Variants in BAIAP2L2 observed in about 807,000 individuals in gnomAD.
BAIAP2L2 encodes BAR/IMD domain-containing adapter protein 2-like 2.
In BAIAP2L2, 65 loss-of-function variants were observed where a neutral mutation model predicts 60.4. The observed-to-expected ratio is 1.08, with a 90% CI of 0.88 to 1.32. BAIAP2L2 has a LOEUF of 1.32. Among genes scored for constraint, BAIAP2L2 ranks in the 40% most tolerant of loss-of-function variants. The pLI is 0.00. For missense variants in BAIAP2L2, 836 were observed against 741.2 expected (o/e 1.13, Z -1.48); for synonymous variants, 344 against 301.7 (o/e 1.14, Z -1.45).
chr22:38,104,360 T>C lies in BAIAP2L2; in HGVS notation c.276+3492A>G, dbSNP rs117511221. Among the ~76,000 whole-genome samples, 59 of 152,242 alleles carry C rather than the reference T, an allele frequency of 3.9e-4. 1 individual carries two copies. In the East Asian group the frequency reaches 0.011, roughly 29 times the overall value. On this transcript the variant is annotated intron_variant, in intron 4 of 13. Coordinates refer to ENST00000381669, the MANE Select transcript of BAIAP2L2 (RefSeq NM_025045.6). ...AGAGGACAGAGAAACCAGCTGAACA[T>C]ACTAGGAGAGCATCCTCAGCAACTT...
chr22:38,092,638 G>A (rs1044516063), intron 7 of BAIAP2L2, among the ~76,000 whole-genome samples: 1 of 152,102 alleles, frequency 6.6e-6, no homozygotes, highest in African/African-American at 2.4e-5. Flanking sequence ...GCTATCTTAG[G>A]AGTTAGATCT....
chr22:38,088,290 T>G (rs914571835), intron 10 of BAIAP2L2, among the ~76,000 whole-genome samples: 1 of 152,164 alleles, frequency 6.6e-6, no homozygotes, highest in African/African-American at 2.4e-5. Flanking sequence ...CCACGTCAAG[T>G]GTCAAAACAG....
chr22:38,098,074 G>C lies in BAIAP2L2; in HGVS notation c.454C>G (p.Arg152Gly), dbSNP rs772588519. The change falls in exon 6 of 14, where the codon CGG becomes GGG. Residue 152 changes from arginine to glycine, a missense_variant. Coordinates refer to ENST00000381669, the MANE Select transcript of BAIAP2L2 (RefSeq NM_025045.6). Reference sequence around the variant, plus strand: ...CCCGGCCCTCGCACCTTCATCTCCCGCACGTTCTTGTCTCTCTTGCGCTCC... The same window carrying C: ...CCCGGCCCTCGCACCTTCATCTCCCCCACGTTCTTGTCTCTCTTGCGCTCC... The part of the protein sequence containing the change: ...RMERKRDKNV[R>G]EMKESVNRLH... 2.2e-6 allele frequency: 3 copies of C among 1,353,648 alleles called. No individual in the cohort carries two copies. The highest frequency in any genetic ancestry group is 2.3e-5 in the South Asian group (2 of 87,428). The allele number at this position is 1,353,648 out of a possible 1,614,324, so 83.9% of individuals were successfully genotyped here.
chr22:38,108,609 A>G (rs987963733), intron 2 of BAIAP2L2, among the ~76,000 whole-genome samples: 1 of 152,066 alleles, frequency 6.6e-6, no homozygotes. Context: ...ACTGGTGGGT[A>G]GTGGGGTGCT....
At chr22:38,090,118 T>TTTTATTTTA (rs1555964437) in intron 7 of BAIAP2L2, 1 of 123,086 alleles carries the variant, frequency 8.1e-6, no homozygotes, top group African/African-American at 2.9e-5. Flanking sequence ...TTTTTTTTTT[T>TTTTATTTTA]TTTTTTTTTT....
chr22:38,108,127 C>T (rs2145636551), intron 3 of BAIAP2L2, 128 bp downstream of exon 3: 3 of 1,038,284 alleles, frequency 2.9e-6, no homozygotes, highest in Non-Finnish European at 4.2e-6. Context: ...AGCCTGGGCC[C>T]CAGAACAAGA....
intron 4 of BAIAP2L2, among the ~76,000 whole-genome samples, chr22:38,104,644 C>T (rs1473829769): frequency 1.3e-5 from 2 of 151,926 alleles, no homozygotes; most frequent in African/African-American, 2.4e-5. Flanking sequence ...TACAGGCGCC[C>T]ACCACCATGC....
chr22:38,086,087 A>T (rs775575746), intron 12 of BAIAP2L2, among the ~76,000 whole-genome samples, 155 bp downstream of exon 12: 3 of 152,090 alleles, frequency 2.0e-5, no homozygotes, highest in Non-Finnish European at 4.4e-5. Flanking sequence ...GCCCAGACTC[A>T]GCCCCACACC....
intron 13 of BAIAP2L2, 74 bp downstream of exon 13, chr22:38,085,612 T>C (rs2086037551): frequency 1.3e-6 from 2 of 1,512,088 alleles, no homozygotes; most frequent in East Asian, 4.5e-5. Context: ...GTCTCCCTAG[T>C]AGCTGGGACT....
At chr22:38,096,662 T>A (rs1024457324) in intron 7 of BAIAP2L2, among the ~76,000 whole-genome samples, 6 of 151,686 alleles carry the variant, frequency 4.0e-5, no homozygotes, top group Non-Finnish European at 8.8e-5. Context: ...TCTCAAAAAA[T>A]AAATAAATAA....
upstream of BAIAP2L2, chr22:38,110,764 CG>C (rs2086829647): frequency 5.7e-6 from 3 of 529,980 alleles, no homozygotes; most frequent in Non-Finnish European, 3.3e-6. Flanking sequence ...CATCCTGTGC[CG>C]GGCAGGCTCG....
chr22:38,087,156 T>TGTCATGGGG lies in BAIAP2L2; in HGVS notation c.1218_1226dup (p.Thr409_Met411dup), dbSNP rs1555961951. 6.3e-7 allele frequency: 1 copy of TGTCATGGGG among 1,590,464 alleles called. No individual in the cohort carries two copies. Among genetic ancestry groups the TGTCATGGGG allele is most frequent in the South Asian group, 1.1e-5 (1 of 87,966 alleles). Reference sequence around the variant, plus strand: ...GCAGCTCGTTCCCGGGGTTCATGGGTGTCATGGGGGACATGGAGGTCATGG... The same window carrying TGTCATGGGG: ...GCAGCTCGTTCCCGGGGTTCATGGGTGTCATGGGGGTCATGGGGGACATGGAGGTCATGG... On this transcript the variant is annotated inframe_insertion, in exon 11 of 14. Transcript: ENST00000381669.
At chr22:38,098,914 C>G (rs1377966078) in intron 4 of BAIAP2L2, among the ~76,000 whole-genome samples, 2 of 152,182 alleles carry the variant, frequency 1.3e-5, no homozygotes, top group Non-Finnish European at 2.9e-5. Context: ...GTCCATTCCT[C>G]CAGTTGTATA....
chr22:38,091,748 C>CA (rs1387656576), intron 7 of BAIAP2L2, among the ~76,000 whole-genome samples: 2 of 152,036 alleles, frequency 1.3e-5, no homozygotes, highest in African/African-American at 4.8e-5. Context: ...ATGATAATGG[C>CA]AAACTGGCTA....
At chr22:38,099,049 C>A (rs1482416430) in intron 4 of BAIAP2L2, among the ~76,000 whole-genome samples, 1 of 152,218 alleles carries the variant, frequency 6.6e-6, no homozygotes, top group Admixed American at 6.5e-5. Flanking sequence ...CTGTTGAGGT[C>A]TCAGATGGGC....
chr22:38,106,808 T>C (rs2086674354), intron 4 of BAIAP2L2, among the ~76,000 whole-genome samples: 1 of 152,152 alleles, frequency 6.6e-6, no homozygotes, highest in African/African-American at 2.4e-5. Context: ...AAGCCCTCTC[T>C]TCTCTCCATC....
chr22:38,108,113 G>A (rs905434625), intron 3 of BAIAP2L2, 142 bp downstream of exon 3: 12 of 959,046 alleles, frequency 1.3e-5, no homozygotes, highest in Middle Eastern at 3.2e-4. Context: ...GAGTGGTGGC[G>A]GGGAGCCTGG....
At chr22:38,093,993 A>G (rs959618952) in intron 7 of BAIAP2L2, 1 of 456,594 alleles carries the variant, frequency 2.2e-6, no homozygotes, top group South Asian at 1.5e-5. Context: ...ACGAGTAAAT[A>G]CAATGTGGTG....
At chr22:38,109,739 C>A (rs11089862) in intron 1 of BAIAP2L2, among the ~76,000 whole-genome samples, 28 of 151,674 alleles carry the variant, frequency 1.8e-4, no homozygotes, top group African/African-American at 6.3e-4. Flanking sequence ...GAGAGCTCCC[C>A]GGATGGTGAA....
Sources: allele counts gnomAD v4.1 joint callset (sites outside exome capture counted in the v4.1 genomes callset), GRCh38; gene constraint gnomAD v4.1.1; transcripts MANE v1.5; gene names NCBI Gene and HGNC (gene_info 2026-07-23, HGNC 2026-07-21).